The following NSD2 variants were observed in gnomAD, a reference collection of about 807,000 sequenced individuals.
NSD2 encodes nuclear receptor binding SET domain protein 2, also known as histone-lysine N-methyltransferase NSD2.
In NSD2, 12 loss-of-function variants were observed where a neutral mutation model predicts 139.0. The ratio of observed to expected loss-of-function variants is 0.09; its 90% CI spans 0.06 to 0.14. The LOEUF (loss-of-function observed/expected upper bound fraction) is 0.14, where lower values mean the gene tolerates loss of function less well. Ranked by LOEUF, NSD2 falls within the 10% of genes least tolerant of loss-of-function variation. The pLI is 1.00. For synonymous variants in NSD2, 669 were observed against 648.7 expected, an observed-to-expected ratio of 1.03 and a Z score of -0.48; for missense variants, 1,155 against 1,745.0, an observed-to-expected ratio of 0.66 and a Z score of 6.02.
intron 1 of NSD2, among the ~76,000 whole-genome samples, chr4:1,889,094 C>T (rs1040662921): frequency 3.3e-5 from 5 of 151,870 alleles, no homozygotes; most frequent in Non-Finnish European, 5.9e-5. Flanking sequence ...GACGAGGTTT[C>T]GCCATTTTGG....
In NSD2 at chr4:1,972,782, C is replaced by T. The variant is rs1726632076; in HGVS notation, c.3373-2081C>T. 6.6e-6 allele frequency among the ~76,000 whole-genome samples: 1 copy of T among 152,204 alleles called. No individual in the cohort carries two copies. The highest frequency in any genetic ancestry group is 2.4e-5 in the African/African-American group (1 of 41,448). The stretch of plus-strand genomic sequence containing the variant: ...AAATAGTTGCATAAGGCGGAGGCAG[C>T]TTTGTGAGAAAAGACATTGTGCACG... On this transcript the variant is annotated intron_variant, in intron 18 of 21. Transcript: ENST00000508803. The surrounding 1 kb of genome is among the most constrained non-coding windows in gnomAD (Gnocchi z 4.0).
intron 5 of NSD2, among the ~76,000 whole-genome samples, chr4:1,923,071 C>T (rs957056950): frequency 5.9e-5 from 9 of 152,064 alleles, no homozygotes; most frequent in Non-Finnish European, 1.3e-4. Flanking sequence ...GGTGCTGGGA[C>T]CACTGTGATT....
rs781255847 is a variant in NSD2 at position 1,915,111 on chromosome 4, CTTTTTTTTTTTTT to C, written c.761-1750_761-1738del. Among the ~76,000 whole-genome samples the C allele has an allele frequency of 1.7e-4, 20 of 115,544 alleles. No homozygotes were observed. The South Asian group carries it at 5.7e-3, about 33-fold the overall frequency. 75.8% of individuals were successfully genotyped at this position (115,544 alleles called of 152,430 possible). A position where few individuals can be genotyped will look rare whatever the true frequency, so the allele number is the denominator to read the frequency against. On this transcript the variant is annotated intron_variant, in intron 3 of 21. Transcript: ENST00000508803. Reference sequence around the variant, plus strand: ...CTTGTTGAATTTTTTCTTTTTTTCTCTTTTTTTTTTTTTTTTTTTTTTGAGACGGAGTCTGGCT... The same window carrying C: ...CTTGTTGAATTTTTTCTTTTTTTCTCTTTTTTTTTGAGACGGAGTCTGGCT...
intron 3 of NSD2, among the ~76,000 whole-genome samples, chr4:1,906,570 G>C (rs1318346600): frequency 6.7e-6 from 1 of 150,208 alleles, no homozygotes; most frequent in Non-Finnish European, 1.5e-5. Context: ...TCTTTTCCCT[G>C]CCTTGGAGTT....
chr4:1,976,339 A>C lies in NSD2; in HGVS notation c.3622-136A>C. ...GATGTCTGGGGAGCACGAGGAGGACACTCCTCTCCTCTCCTCTTAGTGTTG... is the reference window on the plus strand; with the variant it reads ...GATGTCTGGGGAGCACGAGGAGGACCCTCCTCTCCTCTCCTCTTAGTGTTG... On this transcript the variant is annotated intron_variant, in intron 20 of 21. Coordinates refer to ENST00000508803, the MANE Select transcript of NSD2 (RefSeq NM_001042424.3). The surrounding 1 kb of genome is among the most constrained non-coding windows in gnomAD (Gnocchi z 5.3). 80 of 848,406 alleles carry C rather than the reference A, an allele frequency of 9.4e-5. No individual in the cohort carries two copies. The highest frequency in any genetic ancestry group is 1.2e-4 in the Non-Finnish European group (66 of 542,378). 52.6% of individuals were successfully genotyped at this position (848,406 alleles called of 1,614,324 possible). A position where few individuals can be genotyped will look rare whatever the true frequency, so the allele number is the denominator to read the frequency against.
At chr4:1,947,028 G>A in intron 9 of NSD2, 1 of 1,063,886 alleles carries the variant, frequency 9.4e-7, no homozygotes, top group Non-Finnish European at 1.1e-6. Flanking sequence ...AGGGGTGGGG[G>A]TCCTGGTCCG....
At chr4:1,940,877 C>T in intron 9 of NSD2, 5 of 1,057,804 alleles carry the variant, frequency 4.7e-6, no homozygotes, top group Non-Finnish European at 5.7e-6. Flanking sequence ...TCATAGAGCT[C>T]TGCGGCTTGC....
In NSD2 at chr4:1,958,096, G is replaced by T; in HGVS notation, c.2985+60G>T. ...GGAGTCTTCCCCGAGGGCCGTGAGA[G>T]GTTCTTAGGCACACCCAGGCTATGG... On this transcript the variant is annotated intron_variant, in intron 16 of 21. Coordinates refer to ENST00000508803, the MANE Select transcript of NSD2 (RefSeq NM_001042424.3). This position sits in a 1 kb window ranked among gnomAD's most constrained non-coding sequence, Gnocchi z 4.6. 6 of 1,551,172 alleles carry T rather than the reference G, an allele frequency of 3.9e-6. No individual in the cohort carries two copies. In the South Asian group the frequency reaches 6.8e-5, roughly 18 times the overall value.
At chr4:1,879,823 CTT>C (rs1491277075) in intron 1 of NSD2, among the ~76,000 whole-genome samples, 3 of 140,242 alleles carry the variant, frequency 2.1e-5, no homozygotes, top group Non-Finnish European at 4.5e-5. Context: ...GCCCATGGCA[CTT>C]GTGTGTGTGT....
Position 1,955,515 on chromosome 4 carries a change from C to T in NSD2, c.2518+175C>T, listed in dbSNP as rs1481780771. ...AAATTAATTGTAATCATTTCGCAAA[C>T]ATACAGGAAATTATTTGTGGTGAAA... On this transcript the variant is annotated intron_variant, in intron 13 of 21. Coordinates refer to ENST00000508803, the MANE Select transcript of NSD2 (RefSeq NM_001042424.3). The surrounding 1 kb of genome is among the most constrained non-coding windows in gnomAD (Gnocchi z 4.7). The T allele has an allele frequency of 1.6e-6, 2 of 1,228,276 alleles. No individual in the cohort carries two copies. Among genetic ancestry groups the T allele is most frequent in the Non-Finnish European group, 1.1e-6 (1 of 911,494 alleles). The allele number at this position is 1,228,276 out of a possible 1,614,324, so 76.1% of individuals were successfully genotyped here.
In NSD2 at chr4:1,918,340, C is replaced by T. The variant is rs1472983214; in HGVS notation, c.1127C>T (p.Ser376Phe). Reference sequence around the variant, plus strand: ...GAGTCTTTGGGAGAAATGGCAGAATCCTCAGGAGTCAGTGAAGAAGCTGCT... The same window carrying T: ...GAGTCTTTGGGAGAAATGGCAGAATTCTCAGGAGTCAGTGAAGAAGCTGCT... Reference protein sequence around the residue: ...AAESLGEMAESSGVSEEAAEN... With the variant: ...AAESLGEMAEFSGVSEEAAEN... Residue 376 changes from serine to phenylalanine, a missense_variant, in exon 5 of 22, where the codon TCC becomes TTC. Coordinates refer to ENST00000508803, the MANE Select transcript of NSD2 (RefSeq NM_001042424.3). 1.2e-6 allele frequency: 2 copies of T among 1,614,056 alleles called. No individual in the cohort carries two copies. Among genetic ancestry groups the T allele is most frequent in the Non-Finnish European group, 1.7e-6 (2 of 1,180,032 alleles).
At chr4:1,952,288 C>A in intron 11 of NSD2, 57 bp downstream of exon 11, 1 of 1,604,262 alleles carries the variant, frequency 6.2e-7, no homozygotes, top group Non-Finnish European at 8.5e-7. Flanking sequence ...CTCCTGCAAC[C>A]CCCTGCACCA....
In NSD2 at chr4:1,979,284, G is replaced by A. The variant is rs531842145; in HGVS notation, c.*375G>A. ...TGTGTAGCGTAGGCTTTTCCCAAGGGTCGCTAGAAACTCGTCTTCGCGTTG... is the reference window on the plus strand; with the variant it reads ...TGTGTAGCGTAGGCTTTTCCCAAGGATCGCTAGAAACTCGTCTTCGCGTTG... On this transcript the variant is annotated 3_prime_UTR_variant, in exon 22 of 22. Transcript: ENST00000508803. The A allele has an allele frequency of 8.0e-6, 2 of 250,934 alleles. No homozygotes were observed. The highest frequency in any genetic ancestry group is 1.7e-4 in the South Asian group (1 of 5,744). 15.5% of individuals were successfully genotyped at this position (250,934 alleles called of 1,614,324 possible).
chr4:1,899,838 G>A (rs1716925479), intron 1 of NSD2, among the ~76,000 whole-genome samples: 1 of 152,252 alleles, frequency 6.6e-6, no homozygotes, highest in South Asian at 2.1e-4. Flanking sequence ...TGGCTCAGCA[G>A]TGTTGTTCTC....
intron 5 of NSD2, among the ~76,000 whole-genome samples, chr4:1,930,330 G>A (rs536375753): frequency 2.0e-5 from 3 of 152,288 alleles, no homozygotes; most frequent in South Asian, 4.1e-4. Context: ...TCTTAAGTGA[G>A]TTAGTGGTTT....
At chr4:1,881,753 A>C (rs1312466992) in intron 1 of NSD2, among the ~76,000 whole-genome samples, 1 of 152,184 alleles carries the variant, frequency 6.6e-6, no homozygotes, top group Admixed American at 6.5e-5. Context: ...CATCACACAA[A>C]GCAAGTCATG....
chr4:1,918,228 G>A lies in NSD2; in HGVS notation c.1015G>A (p.Glu339Lys). Residue 339 changes from glutamate (E) to lysine (K), a missense_variant, in exon 5 of 22, where the codon GAG becomes AAG. By Grantham distance (56) the Glu-to-Lys change is moderately conservative. Coordinates refer to ENST00000508803, the MANE Select transcript of NSD2 (RefSeq NM_001042424.3). The part of the protein sequence containing the change: ...AEEAASMSVE[E>K]RKAKFTFLYV... ...AGAAGCTGCAAGCATGTCAGTGGAG[G>A]AGCGGAAAGCCAAGTTCACCTTTCT... 1 of 1,613,780 alleles carries A rather than the reference G, an allele frequency of 6.2e-7. No homozygotes were observed. Among genetic ancestry groups the A allele is most frequent in the Non-Finnish European group, 8.5e-7 (1 of 1,180,020 alleles).
chr4:1,943,240 C>T (rs529761088), intron 9 of NSD2: 15 of 1,041,540 alleles, frequency 1.4e-5, no homozygotes, highest in Non-Finnish European at 1.7e-5. Flanking sequence ...TTCACAGTAC[C>T]ATGCGAGTAG....
At chr4:1,967,887 TAGGG>T (rs1212027945) in intron 18 of NSD2, among the ~76,000 whole-genome samples, 1 of 151,974 alleles carries the variant, frequency 6.6e-6, no homozygotes, top group Non-Finnish European at 1.5e-5. Context: ...AAACAGGAAT[TAGGG>T]AGGGATAAGG....
Sources: gnomAD v4.1 joint callset for allele counts (sites outside exome capture counted in the v4.1 genomes callset) on GRCh38, gnomAD v4.1.1 for gene constraint, Gnocchi (gnomAD v3.1) non-coding constraint, MANE v1.5 for transcripts, NCBI Gene and HGNC (gene_info 2026-07-23, HGNC 2026-07-21) for gene names.